Variants in FLT4 observed in about 807,000 individuals in gnomAD.
FLT4 encodes vascular endothelial growth factor receptor 3.
In FLT4, 30 loss-of-function variants were observed where a neutral mutation model predicts 163.2. The observed-to-expected ratio is 0.18, with a 90% CI of 0.14 to 0.25. The LOEUF is 0.25. Ranked by LOEUF, FLT4 falls within the 10% of genes least tolerant of loss-of-function variation. The pLI, the probability that FLT4 is intolerant of heterozygous loss-of-function variation, is 1.00. For synonymous variants in FLT4, 884 were observed against 789.5 expected, an observed-to-expected ratio of 1.12 and a Z score of -2.01; for missense variants, 1,510 against 1,863.8, an observed-to-expected ratio of 0.81 and a Z score of 3.50.
intron 24 of FLT4, 131 bp downstream of exon 24, chr5:180,613,937 A>G (rs916022794): frequency 2.7e-6 from 2 of 745,524 alleles, no homozygotes; most frequent in Admixed American, 3.9e-5. Context: ...GTGGCCCACA[A>G]ACCACCTGCT....
rs764609077 is a variant in FLT4, at chr5:180,619,739, T to C, written c.2573A>G (p.Lys858Arg). Residue 858 changes from lysine (K) to arginine (R), a missense_variant, in exon 18 of 30, where the codon AAG becomes AGG. Coordinates refer to ENST00000261937, the MANE Select transcript of FLT4 (RefSeq NM_182925.5). ...GCCGAAAGCGGAGGCTTCCACCACC[T>C]TCCCGAAGGCGCCGTAGCCGAGCAC... is the stretch of plus-strand genomic sequence containing the variant. Reference protein sequence around the residue: ...GRVLGYGAFGKVVEASAFGIH... With the variant: ...GRVLGYGAFGRVVEASAFGIH... The C allele has an allele frequency of 1.2e-6, 2 of 1,612,534 alleles. No individual in the cohort carries two copies. The highest frequency in any genetic ancestry group is 3.3e-5 in the Admixed American group (2 of 60,028).
rs757488795 is a variant in FLT4, at chr5:180,611,416, G to T, written c.3601C>A (p.Gln1201Lys). 1.1e-5 allele frequency: 18 copies of T among 1,613,970 alleles called. No homozygotes were observed. In the South Asian group the frequency reaches 1.8e-4, roughly 16 times the overall value. ...ATGTGTAGGGCCATGGTGGACACCT[G>T]CGAGAAGCTGCCCTCTTCTGAGCTC... ...SQSSEEGSFS[Q>K]VSTMALHIAQ... Residue 1201 changes from glutamine to lysine, a missense_variant, in exon 27 of 30, where the codon CAG becomes AAG. Transcript: ENST00000261937.
intron 1 of FLT4, among the ~76,000 whole-genome samples, chr5:180,632,423 C>G (rs1179194799): frequency 2.6e-5 from 4 of 152,066 alleles, no homozygotes; most frequent in African/African-American, 2.4e-5. Flanking sequence ...TCTCCCTGCC[C>G]AGGCCTCCCT....
chr5:180,615,446 G>A (rs1690606), intron 23 of FLT4, among the ~76,000 whole-genome samples: 7,143 of 40,300 alleles, frequency 0.18, 116 homozygotes, highest in Non-Finnish European at 0.21. Context: ...CACTGGGCCC[G>A]CCGGTCACCT....
At chr5:180,606,785 G>A (rs1761809450) in intron 29 of FLT4, among the ~76,000 whole-genome samples, 1 of 152,028 alleles carries the variant, frequency 6.6e-6, no homozygotes, top group South Asian at 2.1e-4. Context: ...TGAGCTGGGC[G>A]TGGTGGCTCA....
intron 18 of FLT4, 27 bp downstream of exon 18, chr5:180,619,638 T>A (rs1315373713): frequency 1.3e-6 from 2 of 1,569,966 alleles, no homozygotes; most frequent in African/African-American, 2.7e-5. Flanking sequence ...CCAGCTAGGC[T>A]GCCCCTTCCG....
intron 27 of FLT4, among the ~76,000 whole-genome samples, chr5:180,610,297 G>A (rs902793936): frequency 1.1e-4 from 16 of 152,244 alleles, no homozygotes; most frequent in African/African-American, 3.6e-4. Context: ...ATCCAGCCCC[G>A]TGTGGCATGG....
intron 14 of FLT4, 43 bp downstream of exon 14, chr5:180,621,063 G>C: frequency 2.5e-6 from 4 of 1,612,334 alleles, no homozygotes; most frequent in South Asian, 1.1e-5. Context: ...CGTCGGCCTC[G>C]CGGGCCTCCG....
rs777004421 is a variant in FLT4 at position 180,620,527 on chromosome 5, G to A, written c.2406+82C>T. On this transcript the variant is annotated intron_variant, in intron 16 of 29. Transcript: ENST00000261937. The surrounding 1 kb of genome is among the most constrained non-coding windows in gnomAD (Gnocchi z 4.4). The stretch of plus-strand genomic sequence containing the variant: ...AAGGCTGCCAGGTGAACTAGGGCGG[G>A]CACCTTATTCTTTATCTTAGGGGCG... The A allele has an allele frequency of 1.7e-5, 21 of 1,248,548 alleles. No homozygotes were observed. Among genetic ancestry groups the A allele is most frequent in the Non-Finnish European group, 1.9e-5 (16 of 858,278 alleles). 77.3% of individuals were successfully genotyped at this position (1,248,548 alleles called of 1,614,324 possible). A position where few individuals can be genotyped will look rare whatever the true frequency, so the allele number is the denominator to read the frequency against.
At chr5:180,609,156 G>A in intron 28 of FLT4, 103 bp from the exon 29 acceptor site, 1 of 911,040 alleles carries the variant, frequency 1.1e-6, no homozygotes, top group Admixed American at 1.8e-5. Flanking sequence ...CAGCGCGGCT[G>A]ACCTAACACC....
chr5:180,611,518 C>T (rs1372464174), intron 26 of FLT4, 39 bp from the exon 27 acceptor site: 6 of 1,610,434 alleles, frequency 3.7e-6, no homozygotes, highest in Admixed American at 3.3e-5. Flanking sequence ...CAGAAACCAC[C>T]AGCCACTGCC....
At chr5:180,632,270 G>C (rs1398195435) in intron 1 of FLT4, among the ~76,000 whole-genome samples, 5 of 151,716 alleles carry the variant, frequency 3.3e-5, no homozygotes, top group Non-Finnish European at 7.4e-5. Flanking sequence ...CTCTCTGCCA[G>C]GGGCCTCGCC....
chr5:180,609,657 C>T, intron 28 of FLT4: 4 of 486,648 alleles, frequency 8.2e-6, no homozygotes, highest in Non-Finnish European at 1.5e-5. Flanking sequence ...CGTCCTTCCA[C>T]TGGGGTTTCT....
chr5:180,616,255 A>C, intron 23 of FLT4, 112 bp downstream of exon 23: 4 of 1,482,224 alleles, frequency 2.7e-6, no homozygotes, highest in Non-Finnish European at 2.8e-6. Flanking sequence ...TGGCCAACCA[A>C]GGAGCTCACC....
chr5:180,622,053 C>T, intron 12 of FLT4, 149 bp from the exon 13 acceptor site: 1 of 874,654 alleles, frequency 1.1e-6, no homozygotes, highest in South Asian at 1.7e-5. Flanking sequence ...CCACCAAAAG[C>T]CCAGGTCATC....
In FLT4 at chr5:180,630,672, C is replaced by T. The variant is rs776335068; in HGVS notation, c.283G>A (p.Val95Met). Residue 95 changes from valine to methionine, a missense_variant, in exon 3 of 30, where the codon GTG (valine) becomes ATG (methionine). Transcript: ENST00000261937. The surrounding 1 kb of genome is among the most constrained non-coding windows in gnomAD (Gnocchi z 6.3). Reference protein sequence around the residue: ...EGTDARPYCKVLLLHEVHAND... With the variant: ...EGTDARPYCKMLLLHEVHAND... ...GCATGTACCTCGTGCAGCAGCAACA[C>T]CTTGCAGTAGGGCCTGGCGTCTGTG... 8.1e-6 allele frequency: 13 copies of T among 1,613,074 alleles called. No individual in the cohort carries two copies. The African/African-American group carries it at 1.5e-4, about 18-fold the overall frequency.
intron 24 of FLT4, chr5:180,613,722 G>A (rs1045998717): frequency 2.3e-4 from 93 of 407,468 alleles, no homozygotes; most frequent in African/African-American, 8.3e-4. Context: ...TGCTCGCAGC[G>A]GGGCCTGAGT....
At chr5:180,610,117 G>C in intron 27 of FLT4, 92 bp from the exon 28 acceptor site, 1 of 1,585,596 alleles carries the variant, frequency 6.3e-7, no homozygotes, top group Non-Finnish European at 8.6e-7. Context: ...TCTTCTCCTG[G>C]AAAGGACCCC....
chr5:180,611,208 GTT>G, intron 27 of FLT4, 121 bp downstream of exon 27: 8 of 1,205,048 alleles, frequency 6.6e-6, no homozygotes, highest in Non-Finnish European at 9.7e-6. Context: ...TGTGCTCTGA[GTT>G]TGTGCACACT....
Sources: gnomAD v4.1 joint callset for allele counts (sites outside exome capture counted in the v4.1 genomes callset) on GRCh38, gnomAD v4.1.1 for gene constraint, Gnocchi (gnomAD v3.1) non-coding constraint, MANE v1.5 for transcripts, NCBI Gene and HGNC (gene_info 2026-07-23, HGNC 2026-07-21) for gene names.